NUCKS1: variants seen among roughly 807,000 people sequenced by gnomAD.
The protein encoded by NUCKS1 is nuclear ubiquitous casein and cyclin-dependent kinase substrate 1.
In NUCKS1, 2 loss-of-function variants were observed where a neutral mutation model predicts 33.0. That is an observed-to-expected ratio of 0.06 (90% CI 0.02 to 0.19). NUCKS1 has a LOEUF of 0.19. Ranked by LOEUF, NUCKS1 falls within the 10% of genes least tolerant of loss-of-function variation. NUCKS1 has a pLI of 1.00. For missense variants in NUCKS1, 201 were observed against 293.6 expected (o/e 0.68, Z 2.31); for synonymous variants, 106 against 102.8 (o/e 1.03, Z -0.19).
At chr1:205,719,433 A>G (rs1264339377) in intron 6 of NUCKS1, 94 bp downstream of exon 6, 2 of 1,310,150 alleles carry the variant, frequency 1.5e-6, no homozygotes, top group African/African-American at 1.5e-5. Context: ...ACATCAGGCC[A>G]ATGCCAAATC....
intron 4 of NUCKS1, among the ~76,000 whole-genome samples, chr1:205,722,347 C>T (rs1380807099): frequency 6.6e-6 from 1 of 152,180 alleles, no homozygotes; most frequent in Non-Finnish European, 1.5e-5. Flanking sequence ...ACCTCTGCCT[C>T]CCAGGTTCAA....
chr1:205,749,455 C>A (rs1654421064), intron 1 of NUCKS1, among the ~76,000 whole-genome samples: 2 of 152,226 alleles, frequency 1.3e-5, no homozygotes, highest in African/African-American at 4.8e-5. Context: ...GCCAGGAACA[C>A]CCCCGTCCGC....
In NUCKS1 at chr1:205,727,772, G is replaced by C; in HGVS notation, c.101C>G (p.Thr34Ser). 2 of 1,613,222 alleles carry C rather than the reference G, an allele frequency of 1.2e-6. No individual in the cohort carries two copies. Among genetic ancestry groups the C allele is most frequent in the Non-Finnish European group, 1.7e-6 (2 of 1,179,632 alleles). The change falls in exon 3 of 7, where the codon ACT (threonine) becomes AGT (serine). Residue 34 changes from threonine to serine, a missense_variant. By Grantham distance (58) the Thr-to-Ser change is moderately conservative. Coordinates refer to ENST00000367142, the MANE Select transcript of NUCKS1 (RefSeq NM_022731.5). ...TCGGGGAGATGATCGAATTTTCTTA[G>C]TGGGAGGGCCCGAATCTCTTCCATA... ...EDYGRDSGPP[T>S]KKIRSSPREA...
rs1671789095 is a variant in NUCKS1 at position 205,714,329 on chromosome 1, G to T, written c.*3951C>A. Reference sequence around the variant, plus strand: ...TCTAGAAAACCCTCCCTTCACCCCTGATGTACAAAGTGTATGCACAACGGT... The same window carrying T: ...TCTAGAAAACCCTCCCTTCACCCCTTATGTACAAAGTGTATGCACAACGGT... On this transcript the variant is annotated 3_prime_UTR_variant, in exon 7 of 7. Coordinates refer to ENST00000367142, the MANE Select transcript of NUCKS1 (RefSeq NM_022731.5). The T allele has an allele frequency of 6.6e-6, 1 of 151,946 alleles. No individual in the cohort carries two copies. The highest frequency in any genetic ancestry group is 2.4e-5 in the African/African-American group (1 of 41,348). 9.4% of individuals were successfully genotyped at this position (151,946 alleles called of 1,614,324 possible). A position where few individuals can be genotyped will look rare whatever the true frequency, so the allele number is the denominator to read the frequency against.
chr1:205,721,081 AG>A (rs758446467), intron 4 of NUCKS1, among the ~76,000 whole-genome samples: 2 of 129,102 alleles, frequency 1.5e-5, no homozygotes, highest in Non-Finnish European at 3.2e-5. Flanking sequence ...GGACACAGGG[AG>A]GGGAACAACA....
rs1671833854 is a variant in NUCKS1 at position 205,717,040 on chromosome 1, G to A, written c.*1240C>T. The stretch of plus-strand genomic sequence containing the variant: ...AGTGAAGAATAGGGCCAGGAAAATA[G>A]TGTCCTATAGCAGAGGTGGTTGGCA... On this transcript the variant is annotated 3_prime_UTR_variant, in exon 7 of 7. Coordinates refer to ENST00000367142, the MANE Select transcript of NUCKS1 (RefSeq NM_022731.5). 1 of 152,262 alleles carries A rather than the reference G, an allele frequency of 6.6e-6. No individual in the cohort carries two copies. Among genetic ancestry groups the A allele is most frequent in the Non-Finnish European group, 1.5e-5 (1 of 68,134 alleles). The allele number at this position is 152,262 out of a possible 1,614,324, so 9.4% of individuals were successfully genotyped here.
chr1:205,742,833 A>AT (rs1654212289), intron 1 of NUCKS1, among the ~76,000 whole-genome samples: 2 of 152,160 alleles, frequency 1.3e-5, no homozygotes, highest in Admixed American at 6.5e-5. Context: ...TCAAAGAAAA[A>AT]AAAATAAATA....
chr1:205,713,038 CCAA>C lies in NUCKS1; in HGVS notation c.*5239_*5241del, dbSNP rs1329224992. 1 of 152,082 alleles carries C rather than the reference CCAA, an allele frequency of 6.6e-6. No individual in the cohort carries two copies. 9.4% of individuals were successfully genotyped at this position (152,082 alleles called of 1,614,324 possible). On this transcript the variant is annotated 3_prime_UTR_variant, in exon 7 of 7. Coordinates refer to ENST00000367142, the MANE Select transcript of NUCKS1 (RefSeq NM_022731.5). ...TGAACCAAGACATGTTTATCTTTTACCAACAACAGGGATGGTCACTGTTAAAGT... is the reference window on the plus strand; with the variant it reads ...TGAACCAAGACATGTTTATCTTTTACCAACAGGGATGGTCACTGTTAAAGT...
intron 3 of NUCKS1, among the ~76,000 whole-genome samples, chr1:205,725,940 C>A (rs1423025650): frequency 6.6e-6 from 1 of 152,154 alleles, no homozygotes; most frequent in Non-Finnish European, 1.5e-5. Context: ...GTGGCTCATG[C>A]CTGTAATTCC....
At chr1:205,720,763 A>T in intron 4 of NUCKS1, 110 bp from the exon 5 acceptor site, 1 of 1,053,746 alleles carries the variant, frequency 9.5e-7, no homozygotes. Flanking sequence ...AAAGGCCAAC[A>T]CAGTGGCCAA....
intron 6 of NUCKS1, 101 bp downstream of exon 6, chr1:205,719,426 T>A: frequency 1.7e-6 from 2 of 1,204,768 alleles, no homozygotes; most frequent in Non-Finnish European, 2.3e-6. Context: ...CTGCTAAACA[T>A]CAGGCCAATG....
chr1:205,727,540 C>T (rs1317289813), intron 3 of NUCKS1, among the ~76,000 whole-genome samples, 160 bp downstream of exon 3: 1 of 152,130 alleles, frequency 6.6e-6, no homozygotes, highest in Non-Finnish European at 1.5e-5. Flanking sequence ...AAATTGTATA[C>T]TCGAGCACAG....
intron 1 of NUCKS1, among the ~76,000 whole-genome samples, chr1:205,732,067 G>A (rs993764894): frequency 2.6e-5 from 4 of 152,110 alleles, no homozygotes; most frequent in Admixed American, 2.0e-4. Context: ...TGGTATGGAT[G>A]GAGGTGAATT....
intron 1 of NUCKS1, among the ~76,000 whole-genome samples, chr1:205,744,820 C>CG (rs1654275969): frequency 1.3e-5 from 2 of 151,780 alleles, no homozygotes; most frequent in South Asian, 2.1e-4. Context: ...TCAGTAGAGA[C>CG]GGGGTTTCTC....
intron 1 of NUCKS1, among the ~76,000 whole-genome samples, chr1:205,749,276 A>G (rs1654412324): frequency 6.6e-6 from 1 of 152,198 alleles, no homozygotes; most frequent in African/African-American, 2.4e-5. Flanking sequence ...TGAGGTGGGG[A>G]GAGAGGCAGC....
At chr1:205,742,850 C>T (rs1451966973) in intron 1 of NUCKS1, among the ~76,000 whole-genome samples, 2 of 151,896 alleles carry the variant, frequency 1.3e-5, no homozygotes, top group African/African-American at 2.4e-5. Context: ...AATAAATAAA[C>T]AAACAAATAA....
At position 205,738,094 on chromosome 1, in the gene NUCKS1, C is replaced by T. The variant is rs140132920; in HGVS notation, c.18-8473G>A. ...AGGCTGGAGTGCAGTGGCGTGATCTCGGCTCACTGCAACCTCTACCTCCCG... is the reference window on the plus strand; with the variant it reads ...AGGCTGGAGTGCAGTGGCGTGATCTTGGCTCACTGCAACCTCTACCTCCCG... On this transcript the variant is annotated intron_variant, in intron 1 of 6. Transcript: ENST00000367142. 4.8e-3 allele frequency among the ~76,000 whole-genome samples: 726 copies of T among 151,916 alleles called. 5 individuals are homozygous for T. The highest frequency in any genetic ancestry group is 0.016 in the African/African-American group (673 of 41,440).
chr1:205,743,153 GTGAC>G (rs1273030714), intron 1 of NUCKS1, among the ~76,000 whole-genome samples: 1 of 152,138 alleles, frequency 6.6e-6, no homozygotes, highest in Non-Finnish European at 1.5e-5. Context: ...ACACAGTATG[GTGAC>G]TGTTACATTT....
At chr1:205,738,994 A>AT (rs1371596935) in intron 1 of NUCKS1, among the ~76,000 whole-genome samples, 1 of 152,194 alleles carries the variant, frequency 6.6e-6, no homozygotes, top group Non-Finnish European at 1.5e-5. Context: ...CCTATATGAC[A>AT]TTTTTTGTGT....
Sources: allele counts gnomAD v4.1 joint callset (sites outside exome capture counted in the v4.1 genomes callset), GRCh38; gene constraint gnomAD v4.1.1; transcripts MANE v1.5; gene names NCBI Gene and HGNC (gene_info 2026-07-23, HGNC 2026-07-21).